The following TSPAN18 variants were observed in gnomAD, a reference collection of about 807,000 sequenced individuals.
TSPAN18 encodes the protein tetraspanin 18, also known as tetraspanin-18.
Under a neutral mutation model 27.3 loss-of-function variants are expected in TSPAN18, and 14 were observed. The ratio of observed to expected loss-of-function variants is 0.51; its 90% CI spans 0.34 to 0.80. The LOEUF (loss-of-function observed/expected upper bound fraction) is 0.80. Among genes scored for constraint, TSPAN18 ranks in the 30% least tolerant of loss-of-function variants. The pLI, the probability that TSPAN18 is intolerant of heterozygous loss-of-function variation, is 0.01. For missense variants in TSPAN18, 268 were observed against 323.9 expected, an observed-to-expected ratio of 0.83 and a Z score of 1.32; for synonymous variants, 143 against 136.5, an observed-to-expected ratio of 1.05 and a Z score of -0.33.
intron 3 of TSPAN18, among the ~76,000 whole-genome samples, chr11:44,896,532 C>T (rs1264026994): frequency 6.6e-6 from 1 of 152,104 alleles, no homozygotes; most frequent in Non-Finnish European, 1.5e-5. Context: ...AAGGGCCTGT[C>T]ACATAGGTAT....
At chr11:44,791,758 C>T (rs1250457452) in intron 2 of TSPAN18, among the ~76,000 whole-genome samples, 5 of 152,218 alleles carry the variant, frequency 3.3e-5, no homozygotes, top group African/African-American at 7.2e-5. Flanking sequence ...ACGGAGGGCT[C>T]GTGGCCAAGG....
intron 2 of TSPAN18, among the ~76,000 whole-genome samples, chr11:44,813,380 A>T (rs186600882): frequency 3.9e-5 from 6 of 152,358 alleles, no homozygotes; most frequent in Admixed American, 3.9e-4. Context: ...AGAGGGGGAA[A>T]GTGGGAATCA....
rs1002148447 is a variant in TSPAN18, at chr11:44,792,582, C to T, written c.-153+28070C>T. ...TCTCAGTGGCAGACCTTGCGCAGGG[C>T]GGTGGGAATTCAGAAAGGAGCCGGG... On this transcript the variant is annotated intron_variant, in intron 2 of 9. Coordinates refer to ENST00000520358, the MANE Select transcript of TSPAN18 (RefSeq NM_130783.5). 6.6e-5 allele frequency among the ~76,000 whole-genome samples: 10 copies of T among 152,136 alleles called. No individual in the cohort carries two copies. The East Asian group carries it at 7.7e-4, about 12-fold the overall frequency.
At chr11:44,921,089 A>C (rs8181487) in intron 8 of TSPAN18, among the ~76,000 whole-genome samples, 38,113 of 152,044 alleles carry the variant, frequency 0.25, 6,442 homozygotes, top group African/African-American at 0.48. Context: ...GCCCTGGCAC[A>C]TCCCCATGGA....
rs925667293 is a variant in TSPAN18, at chr11:44,904,446, T to C, written c.-10-1961T>C. Among the ~76,000 whole-genome samples, 4 of 152,234 alleles carry C rather than the reference T, an allele frequency of 2.6e-5. 1 individual carries two copies. Among genetic ancestry groups the C allele is most frequent in the East Asian group, 3.8e-4 (2 of 5,198 alleles). ...TCTTGGGCTCCAGGCACCTTAGCCA[T>C]GTCTGCCTGGCCAAGCTCAGCTGGT... On this transcript the variant is annotated intron_variant, in intron 3 of 9. Transcript: ENST00000520358.
intron 2 of TSPAN18, among the ~76,000 whole-genome samples, chr11:44,855,964 C>T (rs533074863): frequency 1.3e-5 from 2 of 151,296 alleles, no homozygotes; most frequent in African/African-American, 4.9e-5. Context: ...CTCACTGCAA[C>T]CTCCGTCTCC....
intron 2 of TSPAN18, among the ~76,000 whole-genome samples, chr11:44,842,593 AG>A (rs888305097): frequency 2.3e-4 from 35 of 152,278 alleles, no homozygotes; most frequent in African/African-American, 8.4e-4. Flanking sequence ...TAGGCAAGCC[AG>A]GGGCAGTGAA....
At chr11:44,868,648 GGAGCTTCCAAT>G (rs1403672203) in intron 3 of TSPAN18, among the ~76,000 whole-genome samples, 1 of 152,220 alleles carries the variant, frequency 6.6e-6, no homozygotes, top group Non-Finnish European at 1.5e-5. Context: ...TGCTTGGAAA[GGAGCTTCCAAT>G]GAGCTCATCC....
chr11:44,732,020 G>T (rs1016497424), intron 1 of TSPAN18, among the ~76,000 whole-genome samples: 3 of 152,230 alleles, frequency 2.0e-5, no homozygotes, highest in African/African-American at 4.8e-5. Flanking sequence ...TAAATAATCT[G>T]GTTCTTCTGT....
Position 44,919,922 on chromosome 11 carries a change from G to A in TSPAN18, c.538G>A (p.Glu180Lys). The A allele has an allele frequency of 6.2e-7, 1 of 1,614,208 alleles. No individual in the cohort carries two copies. Among genetic ancestry groups the A allele is most frequent in the South Asian group, 1.1e-5 (1 of 91,076 alleles). Residue 180 changes from glutamate (E) to lysine (K), a missense_variant, in exon 8 of 10, where the codon GAA becomes AAA. Coordinates refer to ENST00000520358, the MANE Select transcript of TSPAN18 (RefSeq NM_130783.5). The part of the protein sequence containing the change: ...EEVPEACCRR[E>K]PQSRDGVLLS... Reference sequence around the variant, plus strand: ...GGTGCCGGAGGCCTGCTGCCGGAGGGAACCCCAAAGTCGGGACGGGGTCCT... The same window carrying A: ...GGTGCCGGAGGCCTGCTGCCGGAGGAAACCCCAAAGTCGGGACGGGGTCCT...
At position 44,930,543 on chromosome 11, in the gene TSPAN18, C is replaced by T. The variant is rs539054022; in HGVS notation, c.*1365C>T. The T allele has an allele frequency of 1.7e-4, 47 of 270,442 alleles. No homozygotes were observed. The highest frequency in any genetic ancestry group is 1.5e-4 in the Non-Finnish European group (21 of 135,878). The allele number at this position is 270,442 out of a possible 1,614,324, so 16.8% of individuals were successfully genotyped here. On this transcript the variant is annotated 3_prime_UTR_variant, in exon 10 of 10. Coordinates refer to ENST00000520358, the MANE Select transcript of TSPAN18 (RefSeq NM_130783.5). ...CAAGGTTTCCTGTCTCTTCACTGTC[C>T]GCACATTTCTTAGTATTCCCTCCAG...
chr11:44,815,418 T>A (rs1856800166), intron 2 of TSPAN18, among the ~76,000 whole-genome samples: 1 of 152,198 alleles, frequency 6.6e-6, no homozygotes, highest in African/African-American at 2.4e-5. Context: ...CAGGGGTGGC[T>A]GGACTGTGGG....
Position 44,774,662 on chromosome 11 carries a change from CTTCT to C in TSPAN18, c.-153+10153_-153+10156del, listed in dbSNP as rs1855764081. ...CTTCCCTCCTTATTTCCCTCCCTTT[CTTCT>C]TTTTTTCTTTCCTCCATTCACTAGG... On this transcript the variant is annotated intron_variant, in intron 2 of 9. Coordinates refer to ENST00000520358, the MANE Select transcript of TSPAN18 (RefSeq NM_130783.5). Among the ~76,000 whole-genome samples, 3 of 152,254 alleles carry C rather than the reference CTTCT, an allele frequency of 2.0e-5. No individual in the cohort carries two copies. The East Asian group carries it at 5.8e-4, about 29-fold the overall frequency.
At position 44,727,193 on chromosome 11, in the gene TSPAN18, G is replaced by T; in HGVS notation, c.-334G>T. On this transcript the variant is annotated 5_prime_UTR_variant, in exon 1 of 10. Coordinates refer to ENST00000520358, the MANE Select transcript of TSPAN18 (RefSeq NM_130783.5). ...CGCCACCGCCGGGAAGGCAGCCGGC[G>T]CCGGGCAAGTTGCGAGCGCGCCCCT... 1 of 151,252 alleles carries T rather than the reference G, an allele frequency of 6.6e-6. No individual in the cohort carries two copies. The highest frequency in any genetic ancestry group is 1.8e-4 in the South Asian group (1 of 5,474). 9.4% of individuals were successfully genotyped at this position (151,252 alleles called of 1,614,324 possible).
At chr11:44,905,098 T>A (rs1180017071) in intron 3 of TSPAN18, among the ~76,000 whole-genome samples, 1 of 152,174 alleles carries the variant, frequency 6.6e-6, no homozygotes, top group Non-Finnish European at 1.5e-5. Flanking sequence ...ATTGTATATG[T>A]TTATGGAGTC....
intron 2 of TSPAN18, among the ~76,000 whole-genome samples, chr11:44,827,043 G>A (rs991858509): frequency 5.3e-5 from 8 of 152,218 alleles, no homozygotes; most frequent in South Asian, 4.1e-4. Flanking sequence ...TTTAGCTCAC[G>A]AGGGCCCTGA....
At chr11:44,796,626 C>T (rs1221200898) in intron 2 of TSPAN18, among the ~76,000 whole-genome samples, 2 of 152,060 alleles carry the variant, frequency 1.3e-5, no homozygotes, top group Admixed American at 1.3e-4. Flanking sequence ...CTACAGGTCT[C>T]CCCCTATCCT....
Position 44,883,442 on chromosome 11 carries a change from T to G in TSPAN18, c.-10-22965T>G, listed in dbSNP as rs538451453. ...CAAATGAGTCATAACAGCGCGTGCT[T>G]CTTTTCCGTGTTTCATGCGGTGTGG... On this transcript the variant is annotated intron_variant, in intron 3 of 9. Transcript: ENST00000520358. 3.9e-5 allele frequency among the ~76,000 whole-genome samples: 6 copies of G among 152,296 alleles called. No homozygotes were observed. The East Asian group carries it at 5.8e-4, about 15-fold the overall frequency.
At chr11:44,732,155 G>A (rs72895407) in intron 1 of TSPAN18, among the ~76,000 whole-genome samples, 2,678 of 152,302 alleles carry the variant, frequency 0.018, 41 homozygotes, top group South Asian at 0.039. Context: ...CATGCTGGCC[G>A]GGGCAGCCTC....
Sources: gnomAD v4.1 joint callset for allele counts (sites outside exome capture counted in the v4.1 genomes callset) on GRCh38, gnomAD v4.1.1 for gene constraint, MANE v1.5 for transcripts, NCBI Gene and HGNC (gene_info 2026-07-23, HGNC 2026-07-21) for gene names.